Variants in BRINP3 observed in about 807,000 individuals in gnomAD.
BRINP3 encodes BMP/retinoic acid inducible neural specific 3.
BRINP3 carries 19 observed loss-of-function variants against 71.0 expected under a neutral mutation model. The ratio of observed to expected loss-of-function variants is 0.27; its 90% CI spans 0.19 to 0.39. The LOEUF is 0.39. Among genes scored for constraint, BRINP3 ranks in the 10% least tolerant of loss-of-function variants. BRINP3 has a pLI of 1.00. For synonymous variants in BRINP3, 380 were observed against 337.7 expected, an observed-to-expected ratio of 1.13 and a Z score of -1.37; for missense variants, 959 against 940.8, an observed-to-expected ratio of 1.02 and a Z score of -0.25.
intron 4 of BRINP3, among the ~76,000 whole-genome samples, chr1:190,248,068 T>C (rs1659774452): frequency 6.6e-6 from 1 of 151,882 alleles, no homozygotes; most frequent in Non-Finnish European, 1.5e-5. Flanking sequence ...GTTTCTTTTT[T>C]ATTCTGGTTT....
At chr1:190,215,068 A>G (rs1656289459) in intron 6 of BRINP3, among the ~76,000 whole-genome samples, 1 of 150,478 alleles carries the variant, frequency 6.6e-6, no homozygotes, top group African/African-American at 2.4e-5. Context: ...AGAAGAAAAG[A>G]TAATAGCAAT....
chr1:190,207,888 G>A (rs554318348), intron 6 of BRINP3, among the ~76,000 whole-genome samples: 25 of 152,128 alleles, frequency 1.6e-4, no homozygotes, highest in African/African-American at 4.3e-4. Context: ...AATATTAACC[G>A]TGACTGAAGG....
intron 2 of BRINP3, among the ~76,000 whole-genome samples, chr1:190,381,484 A>G (rs6665945): frequency 0.013 from 2,038 of 152,262 alleles, 50 homozygotes; most frequent in African/African-American, 0.045. Flanking sequence ...ACATAAAATG[A>G]AGAAAATGTA....
At chr1:190,148,012 A>G (rs983546849) in intron 7 of BRINP3, among the ~76,000 whole-genome samples, 7 of 152,362 alleles carry the variant, frequency 4.6e-5, no homozygotes, top group Non-Finnish European at 1.0e-4. Context: ...CATACACACA[A>G]TAAGTAGGCT....
Position 190,098,791 on chromosome 1 carries a change from C to T in BRINP3, c.1528G>A (p.Val510Ile). Reference sequence around the variant, plus strand: ...TCATTGCTGATAAAAATGGCATGGACTTCTATTCGTCTGTCCGTTTTCTGC... The same window carrying T: ...TCATTGCTGATAAAAATGGCATGGATTTCTATTCGTCTGTCCGTTTTCTGC... Reference protein sequence around the residue: ...LLQKTDRRIEVHAIFISNDMR... With the variant: ...LLQKTDRRIEIHAIFISNDMR... Residue 510 changes from valine (V) to isoleucine (I), a missense_variant, in exon 8 of 8, where the codon GTC becomes ATC. Physicochemically the swap from Val to Ile is conservative, Grantham distance 29. Coordinates refer to ENST00000367462, the MANE Select transcript of BRINP3 (RefSeq NM_199051.3). The T allele has an allele frequency of 2.5e-6, 4 of 1,614,202 alleles. No homozygotes were observed. Among genetic ancestry groups the T allele is most frequent in the South Asian group, 1.1e-5 (1 of 91,090 alleles).
At chr1:190,184,706 C>T (rs1357306549) in intron 6 of BRINP3, among the ~76,000 whole-genome samples, 6 of 151,904 alleles carry the variant, frequency 3.9e-5, no homozygotes, top group African/African-American at 1.2e-4. Flanking sequence ...TGTACATAAA[C>T]GTAGCAAAAA....
chr1:190,360,023 T>G (rs567282640), intron 2 of BRINP3, among the ~76,000 whole-genome samples: 1 of 152,268 alleles, frequency 6.6e-6, no homozygotes, highest in Admixed American at 6.5e-5. Flanking sequence ...CTTCAGGCTA[T>G]AAAGGATTAA....
At chr1:190,315,989 T>C (rs1235628412) in intron 2 of BRINP3, among the ~76,000 whole-genome samples, 2 of 151,978 alleles carry the variant, frequency 1.3e-5, no homozygotes, top group Non-Finnish European at 2.9e-5. Flanking sequence ...TTTCCAAGCA[T>C]GATACATCAA....
chr1:190,281,723 G>C lies in BRINP3; in HGVS notation c.264C>G (p.Asn88Lys). The change falls in exon 3 of 8, where the codon AAC becomes AAG. Residue 88 changes from asparagine (N) to lysine (K), a missense_variant. Transcript: ENST00000367462. ...GGAAATTTCTTCTCTCAACTGCAAG[G>C]TTATTTACTTTCCAGCGGCCAAACT... ...YREFGRWKVN[N>K]LAVERRNFLG... 6.2e-7 allele frequency: 1 copy of C among 1,609,964 alleles called. No individual in the cohort carries two copies. Among genetic ancestry groups the C allele is most frequent in the Non-Finnish European group, 8.5e-7 (1 of 1,178,514 alleles).
At position 190,097,872 on chromosome 1, in the gene BRINP3, G is replaced by C. The variant is rs1651339671; in HGVS notation, c.*146C>G. On this transcript the variant is annotated 3_prime_UTR_variant, in exon 8 of 8. Coordinates refer to ENST00000367462, the MANE Select transcript of BRINP3 (RefSeq NM_199051.3). ...ATATATTCATTGTCAGCAAGTTCAT[G>C]TGTGTAAATTGCCATCCAATGTTAT... 2.3e-6 allele frequency: 2 copies of C among 856,926 alleles called. No individual in the cohort carries two copies. The highest frequency in any genetic ancestry group is 3.4e-5 in the African/African-American group (2 of 58,958). The allele number at this position is 856,926 out of a possible 1,614,324, so 53.1% of individuals were successfully genotyped here. A position where few individuals can be genotyped will look rare whatever the true frequency, so the allele number is the denominator to read the frequency against.
intron 3 of BRINP3, among the ~76,000 whole-genome samples, chr1:190,267,985 CAATAT>C (rs1319515659): frequency 6.6e-6 from 1 of 151,928 alleles, no homozygotes; most frequent in African/African-American, 2.4e-5. Flanking sequence ...TCATCATATA[CAATAT>C]ATTTTACAAT....
intron 1 of BRINP3, among the ~76,000 whole-genome samples, chr1:190,458,959 C>T (rs1278361283): frequency 6.0e-5 from 9 of 151,082 alleles, no homozygotes; most frequent in Admixed American, 5.9e-4. Context: ...GAATGAAGAA[C>T]ACAAAAAAAC....
At chr1:190,298,518 T>G (rs1298003642) in intron 2 of BRINP3, among the ~76,000 whole-genome samples, 1 of 152,110 alleles carries the variant, frequency 6.6e-6, no homozygotes, top group Non-Finnish European at 1.5e-5. Flanking sequence ...ATTTTTGATA[T>G]TTGTGTTTTC....
At chr1:190,325,324 T>C (rs764580375) in intron 2 of BRINP3, among the ~76,000 whole-genome samples, 10 of 152,038 alleles carry the variant, frequency 6.6e-5, no homozygotes, top group Non-Finnish European at 1.3e-4. Context: ...AGAACTTAGC[T>C]ACTTTACATT....
At chr1:190,229,242 G>T (rs901910573) in intron 5 of BRINP3, among the ~76,000 whole-genome samples, 2 of 151,946 alleles carry the variant, frequency 1.3e-5, no homozygotes, top group Admixed American at 1.3e-4. Flanking sequence ...CCCAGTGGGA[G>T]GTAATAGAAT....
In BRINP3 at chr1:190,099,154, C is replaced by G. The variant is rs1410825328; in HGVS notation, c.1185-20G>C. Reference sequence around the variant, plus strand: ...GAGGTTCTAGAAATACAAAACAGAACGAATCTACATAAATACAAAGATATT... The same window carrying G: ...GAGGTTCTAGAAATACAAAACAGAAGGAATCTACATAAATACAAAGATATT... On this transcript the variant is annotated intron_variant, in intron 7 of 7. Transcript: ENST00000367462. 1 of 1,603,540 alleles carries G rather than the reference C, an allele frequency of 6.2e-7. No individual in the cohort carries two copies. Among genetic ancestry groups the G allele is most frequent in the Non-Finnish European group, 8.5e-7 (1 of 1,173,222 alleles).
chr1:190,292,997 C>A (rs1258039688), intron 2 of BRINP3, among the ~76,000 whole-genome samples: 1 of 149,958 alleles, frequency 6.7e-6, no homozygotes, highest in African/African-American at 2.5e-5. Context: ...ATTTGTTGAT[C>A]TTTTGTAATA....
At chr1:190,272,374 C>T (rs1247061887) in intron 3 of BRINP3, among the ~76,000 whole-genome samples, 3 of 151,422 alleles carry the variant, frequency 2.0e-5, no homozygotes, top group East Asian at 1.9e-4. Flanking sequence ...AGTAATAGCA[C>T]ATCATCTCTC....
intron 2 of BRINP3, among the ~76,000 whole-genome samples, chr1:190,324,396 C>A (rs1381989226): frequency 6.6e-6 from 1 of 151,952 alleles, no homozygotes; most frequent in African/African-American, 2.4e-5. Context: ...CCACAAGCCA[C>A]TGAACACAGA....
Sources: gnomAD v4.1 joint callset for allele counts (sites outside exome capture counted in the v4.1 genomes callset) on GRCh38, gnomAD v4.1.1 for gene constraint, MANE v1.5 for transcripts, NCBI Gene and HGNC (gene_info 2026-07-23, HGNC 2026-07-21) for gene names.